STRN3: variants seen among roughly 807,000 people sequenced by gnomAD.
The protein encoded by STRN3 is striatin-3.
In STRN3, 29 loss-of-function variants were observed where a neutral mutation model predicts 95.6. The observed-to-expected ratio is 0.30, with a 90% CI of 0.23 to 0.41. The LOEUF is 0.41. Among genes scored for constraint, STRN3 ranks in the 10% least tolerant of loss-of-function variants. STRN3 has a pLI of 1.00. For synonymous variants in STRN3, 331 were observed against 357.6 expected, an observed-to-expected ratio of 0.93 and a Z score of 0.84; for missense variants, 890 against 972.1, an observed-to-expected ratio of 0.92 and a Z score of 1.12.
intron 8 of STRN3, 55 bp downstream of exon 8, chr14:30,929,145 AC>A: frequency 7.0e-7 from 1 of 1,428,032 alleles, no homozygotes; most frequent in Non-Finnish European, 9.5e-7. Flanking sequence ...GAATTGAAGA[AC>A]TTTTTTCTCA....
chr14:30,964,170 T>C lies in STRN3; in HGVS notation c.283-7928A>G, dbSNP rs1288609830. Among the ~76,000 whole-genome samples, 4 of 152,144 alleles carry C rather than the reference T, an allele frequency of 2.6e-5. No homozygotes were observed. The East Asian group carries it at 7.7e-4, about 29-fold the overall frequency. On this transcript the variant is annotated intron_variant, in intron 1 of 17. Coordinates refer to ENST00000357479, the MANE Select transcript of STRN3 (RefSeq NM_001083893.2). ...GAGAGGGTGAAGCATGAGAATCACT[T>C]GAACCTGGGAGGTGGAGGTTGCAGT...
chr14:30,918,891 C>A, intron 9 of STRN3, 75 bp downstream of exon 9: 1 of 1,359,422 alleles, frequency 7.4e-7, no homozygotes, highest in Non-Finnish European at 9.7e-7. Context: ...ATAACAGTAG[C>A]CTAGTTGCAT....
chr14:30,968,751 T>TG (rs1268658057), intron 1 of STRN3, among the ~76,000 whole-genome samples: 58 of 87,464 alleles, frequency 6.6e-4, no homozygotes, highest in African/African-American at 1.8e-3. Context: ...GTGAAAGTTG[T>TG]GGAGAAAAAA....
intron 1 of STRN3, among the ~76,000 whole-genome samples, chr14:30,966,261 T>A (rs1414954120): frequency 6.6e-6 from 1 of 152,200 alleles, no homozygotes; most frequent in Non-Finnish European, 1.5e-5. Context: ...CTTGTCCAAG[T>A]GTGCGCTCAC....
chr14:30,982,521 G>A (rs1437665737), intron 1 of STRN3, among the ~76,000 whole-genome samples: 1 of 152,184 alleles, frequency 6.6e-6, no homozygotes, highest in Non-Finnish European at 1.5e-5. Context: ...TGTTGGCAAG[G>A]CTGGTGCCGA....
chr14:30,929,968 A>AAAAAAAC (rs1566441466), intron 7 of STRN3, among the ~76,000 whole-genome samples: 19 of 121,944 alleles, frequency 1.6e-4, no homozygotes, highest in African/African-American at 4.3e-4. Context: ...AAAAAAAAAA[A>AAAAAAAC]AAAAAAAAAA....
intron 1 of STRN3, among the ~76,000 whole-genome samples, chr14:30,975,833 C>CT (rs1381789678): frequency 2.1e-5 from 1 of 48,132 alleles, no homozygotes; most frequent in Non-Finnish European, 4.3e-5. Context: ...GACCCTGGCT[C>CT]TTTAAAAAAA....
In STRN3 at chr14:30,938,611, A is replaced by G. The variant is rs557748060; in HGVS notation, c.717-1987T>C. On this transcript the variant is annotated intron_variant, in intron 5 of 17. Coordinates refer to ENST00000357479, the MANE Select transcript of STRN3 (RefSeq NM_001083893.2). Reference sequence around the variant, plus strand: ...AGTCAAATGGAACACAATGCATAAAAGAAAGAATTGGTCAATCAGATTTCA... The same window carrying G: ...AGTCAAATGGAACACAATGCATAAAGGAAAGAATTGGTCAATCAGATTTCA... 3.3e-5 allele frequency among the ~76,000 whole-genome samples: 5 copies of G among 152,280 alleles called. No individual in the cohort carries two copies. The South Asian group carries it at 1.0e-3, about 32-fold the overall frequency.
At chr14:30,911,692 G>T in intron 12 of STRN3, 85 bp downstream of exon 12, 1 of 1,225,452 alleles carries the variant, frequency 8.2e-7, no homozygotes, top group East Asian at 2.4e-5. Context: ...ACAAAACATT[G>T]AGAAAATTAC....
chr14:31,016,576 C>T (rs187760272), intron 1 of STRN3, among the ~76,000 whole-genome samples: 24 of 152,078 alleles, frequency 1.6e-4, no homozygotes, highest in Admixed American at 3.3e-4. Flanking sequence ...CAGAGTCTCG[C>T]TCTGTCGCCC....
At chr14:30,984,867 A>G (rs1881602705) in intron 1 of STRN3, among the ~76,000 whole-genome samples, 1 of 152,170 alleles carries the variant, frequency 6.6e-6, no homozygotes, top group African/African-American at 2.4e-5. Context: ...CTAACAGCTT[A>G]ATTTGTTATA....
chr14:30,989,125 G>A (rs1271717461), intron 1 of STRN3, among the ~76,000 whole-genome samples: 1 of 152,104 alleles, frequency 6.6e-6, no homozygotes, highest in Non-Finnish European at 1.5e-5. Flanking sequence ...TCCACAGAAA[G>A]TAGTCTGGTC....
intron 1 of STRN3, among the ~76,000 whole-genome samples, chr14:31,004,878 C>T (rs932915473): frequency 6.6e-6 from 1 of 151,834 alleles, no homozygotes; most frequent in Non-Finnish European, 1.5e-5. Context: ...GTTAATTTTG[C>T]CAAGGTTAAG....
At chr14:30,943,277 G>A (rs1316954014) in intron 5 of STRN3, among the ~76,000 whole-genome samples, 1 of 152,168 alleles carries the variant, frequency 6.6e-6, no homozygotes, top group East Asian at 1.9e-4. Flanking sequence ...TAAGAAGAAA[G>A]CCTCGATTAA....
chr14:30,904,403 G>T (rs1594413945), intron 15 of STRN3, among the ~76,000 whole-genome samples: 1 of 152,142 alleles, frequency 6.6e-6, no homozygotes, highest in Admixed American at 6.6e-5. Context: ...ATATCCATGA[G>T]AGAGTATGAT....
At chr14:31,003,516 T>C (rs1241954500) in intron 1 of STRN3, among the ~76,000 whole-genome samples, 2 of 151,946 alleles carry the variant, frequency 1.3e-5, no homozygotes, top group East Asian at 1.9e-4. Context: ...ATGCCTTCTA[T>C]GGAGGTGGCT....
Position 31,003,295 on chromosome 14 carries a change from A to C in STRN3, c.282+22609T>G, listed in dbSNP as rs1266005660. Among the ~76,000 whole-genome samples the C allele has an allele frequency of 5.3e-5, 8 of 151,890 alleles. No individual in the cohort carries two copies. In the East Asian group the frequency reaches 1.5e-3, roughly 29 times the overall value. The stretch of plus-strand genomic sequence containing the variant: ...AAAAAAGAAAAGAAAAAGAAAGAGA[A>C]AGTGGTTAAGATGGTAAATTTTATG... On this transcript the variant is annotated intron_variant, in intron 1 of 17. Coordinates refer to ENST00000357479, the MANE Select transcript of STRN3 (RefSeq NM_001083893.2).
At chr14:30,952,104 C>T (rs552569131) in intron 3 of STRN3, among the ~76,000 whole-genome samples, 238 of 144,050 alleles carry the variant, frequency 1.7e-3, no homozygotes, top group Non-Finnish European at 2.0e-3. Flanking sequence ...GGCGACAGAG[C>T]GAGACCCTGT....
At chr14:30,999,011 A>G (rs1293870649) in intron 1 of STRN3, among the ~76,000 whole-genome samples, 14 of 152,340 alleles carry the variant, frequency 9.2e-5, no homozygotes, top group East Asian at 5.8e-4. Context: ...TACACAGAGG[A>G]AAAGCAGTCA....
Sources: gnomAD v4.1 joint callset for allele counts (sites outside exome capture counted in the v4.1 genomes callset) on GRCh38, gnomAD v4.1.1 for gene constraint, MANE v1.5 for transcripts, NCBI Gene and HGNC (gene_info 2026-07-23, HGNC 2026-07-21) for gene names.